Variants in EDAR observed in about 807,000 individuals in gnomAD.
EDAR encodes the protein tumor necrosis factor receptor superfamily member EDAR.
Under a neutral mutation model 51.3 loss-of-function variants are expected in EDAR, and 38 were observed. That is an observed-to-expected ratio of 0.74 (90% CI 0.57 to 0.97). EDAR has a LOEUF of 0.97. Among genes scored for constraint, EDAR ranks in the 50% least tolerant of loss-of-function variants. The probability of loss-of-function intolerance (pLI) is 0.00; values close to 1 mark genes in which losing one functional copy is unlikely to be tolerated. For synonymous variants in EDAR, 227 were observed against 242.1 expected (o/e 0.94, Z 0.58); for missense variants, 528 against 595.0 (o/e 0.89, Z 1.17).
In EDAR at chr2:108,895,350, A is replaced by G. The variant is rs1286970464; in HGVS notation, c.*1557T>C. 6.6e-6 allele frequency: 1 copy of G among 152,646 alleles called. No individual in the cohort carries two copies. Among genetic ancestry groups the G allele is most frequent in the East Asian group, 1.9e-4 (1 of 5,194 alleles). 9.5% of individuals were successfully genotyped at this position (152,646 alleles called of 1,614,324 possible). ...TCAGAGACTTTGTTTTAATGTAGTAATAAACACAGACCTGCCATCAGGGAG... is the reference window on the plus strand; with the variant it reads ...TCAGAGACTTTGTTTTAATGTAGTAGTAAACACAGACCTGCCATCAGGGAG... On this transcript the variant is annotated 3_prime_UTR_variant, in exon 12 of 12. Transcript: ENST00000258443.
intron 1 of EDAR, among the ~76,000 whole-genome samples, chr2:108,977,097 A>G (rs1698335401): frequency 1.3e-5 from 2 of 152,212 alleles, no homozygotes; most frequent in African/African-American, 4.8e-5. Context: ...GGACGCCAAT[A>G]AGGAGGCACT....
chr2:108,916,828 C>T (rs895047762), intron 5 of EDAR, among the ~76,000 whole-genome samples: 2 of 152,212 alleles, frequency 1.3e-5, no homozygotes, highest in Admixed American at 6.5e-5. Context: ...AGCCCCCTCA[C>T]GTTCCAAAGT....
At chr2:108,909,421 G>A (rs1166503650) in intron 9 of EDAR, among the ~76,000 whole-genome samples, 2 of 152,252 alleles carry the variant, frequency 1.3e-5, no homozygotes, top group South Asian at 2.1e-4. Context: ...ATGCTGGATC[G>A]ATTGGAATGG....
rs1224610258 is a variant in EDAR, at chr2:108,894,710, A to G, written c.*2197T>C. ...ATGATCTCATTGTTCTGAATCCCAT[A>G]ACATAGGCTAAAGCTTGTCAGAGTA... On this transcript the variant is annotated 3_prime_UTR_variant, in exon 12 of 12. Transcript: ENST00000258443. 1 of 152,328 alleles carries G rather than the reference A, an allele frequency of 6.6e-6. No homozygotes were observed. Among genetic ancestry groups the G allele is most frequent in the African/African-American group, 2.4e-5 (1 of 41,406 alleles). The allele number at this position is 152,328 out of a possible 1,614,324, so 9.4% of individuals were successfully genotyped here.
intron 4 of EDAR, among the ~76,000 whole-genome samples, chr2:108,927,137 G>A (rs887725221): frequency 1.3e-5 from 2 of 152,206 alleles, no homozygotes; most frequent in African/African-American, 2.4e-5. Context: ...TGTCCCCATC[G>A]TCTGCACCCC....
At chr2:108,938,868 C>T (rs1364683698) in intron 1 of EDAR, among the ~76,000 whole-genome samples, 3 of 150,938 alleles carry the variant, frequency 2.0e-5, no homozygotes, top group Non-Finnish European at 3.0e-5. Flanking sequence ...CAACCTCCAC[C>T]TCCTGGGTTC....
intron 1 of EDAR, among the ~76,000 whole-genome samples, chr2:108,932,875 A>G (rs1475358527): frequency 1.3e-5 from 2 of 152,204 alleles, no homozygotes; most frequent in Non-Finnish European, 2.9e-5. Context: ...TTGTGGAACT[A>G]ATCAGTTAAC....
intron 5 of EDAR, among the ~76,000 whole-genome samples, chr2:108,919,097 G>T (rs1306542784): frequency 6.6e-6 from 1 of 152,180 alleles, no homozygotes; most frequent in African/African-American, 2.4e-5. Context: ...AGGTCTGAGA[G>T]GCTCTGAGCC....
intron 4 of EDAR, among the ~76,000 whole-genome samples, chr2:108,927,126 C>G (rs1028640854): frequency 1.3e-5 from 2 of 152,224 alleles, no homozygotes; most frequent in Non-Finnish European, 2.9e-5. Context: ...AACCTGGAAA[C>G]TGTCCCCATC....
chr2:108,958,517 A>AG (rs1376577855), intron 1 of EDAR, among the ~76,000 whole-genome samples: 1 of 147,510 alleles, frequency 6.8e-6, no homozygotes, highest in South Asian at 2.1e-4. Flanking sequence ...GGGGCAGAAC[A>AG]GGGGGGCATG....
intron 1 of EDAR, among the ~76,000 whole-genome samples, chr2:108,938,621 A>G (rs73952561): frequency 0.015 from 2,282 of 152,312 alleles, 29 homozygotes; most frequent in South Asian, 0.029. Context: ...CAGAGCTGAA[A>G]GGATCTTGTC....
At chr2:108,949,840 T>C (rs1163777149) in intron 1 of EDAR, among the ~76,000 whole-genome samples, 1 of 152,230 alleles carries the variant, frequency 6.6e-6, no homozygotes, top group Non-Finnish European at 1.5e-5. Flanking sequence ...CATGGTGCCT[T>C]AGAAGCAGAT....
chr2:108,932,878 C>T (rs371189782), intron 1 of EDAR, among the ~76,000 whole-genome samples: 23 of 152,324 alleles, frequency 1.5e-4, no homozygotes, highest in African/African-American at 4.8e-4. Context: ...TGGAACTAAT[C>T]AGTTAACTGG....
At chr2:108,945,704 C>A (rs751046508) in intron 1 of EDAR, among the ~76,000 whole-genome samples, 2 of 152,216 alleles carry the variant, frequency 1.3e-5, no homozygotes, top group African/African-American at 2.4e-5. Flanking sequence ...GGCATATGCA[C>A]ACAATGGAAT....
intron 1 of EDAR, among the ~76,000 whole-genome samples, chr2:108,950,008 A>C (rs555942951): frequency 4.6e-5 from 7 of 152,304 alleles, no homozygotes. Context: ...AACTGGACAA[A>C]TCAATTGTCA....
At chr2:108,928,067 G>A (rs966644726) in intron 4 of EDAR, among the ~76,000 whole-genome samples, 2 of 152,028 alleles carry the variant, frequency 1.3e-5, no homozygotes, top group African/African-American at 4.8e-5. Context: ...CATCAGCTTC[G>A]AGCGGAAGGC....
At chr2:108,934,024 G>A (rs1697420980) in intron 1 of EDAR, among the ~76,000 whole-genome samples, 1 of 152,190 alleles carries the variant, frequency 6.6e-6, no homozygotes, top group South Asian at 2.1e-4. Flanking sequence ...TCTAATTATA[G>A]CTGAGCCTCG....
At chr2:108,949,384 T>C (rs1697779210) in intron 1 of EDAR, among the ~76,000 whole-genome samples, 1 of 152,222 alleles carries the variant, frequency 6.6e-6, no homozygotes, top group Non-Finnish European at 1.5e-5. Context: ...ATAATTTTGC[T>C]TTTCAGTCAG....
intron 1 of EDAR, among the ~76,000 whole-genome samples, chr2:108,954,573 CT>C (rs1697884769): frequency 6.6e-6 from 1 of 152,180 alleles, no homozygotes; most frequent in Admixed American, 6.5e-5. Context: ...CCACCCAGCC[CT>C]GTGCCTGGTA....
Sources: gnomAD v4.1 joint callset for allele counts (sites outside exome capture counted in the v4.1 genomes callset) on GRCh38, gnomAD v4.1.1 for gene constraint, MANE v1.5 for transcripts, NCBI Gene and HGNC (gene_info 2026-07-23, HGNC 2026-07-21) for gene names.